Variants in EP300 observed in about 807,000 individuals in gnomAD.
EP300 encodes the protein EP300 lysine acetyltransferase, also known as histone acetyltransferase p300.
A neutral mutation model predicts 264.0 loss-of-function variants in EP300; 31 were observed. The ratio of observed to expected loss-of-function variants is 0.12; its 90% CI spans 0.09 to 0.16. The LOEUF is 0.16. EP300 is among the 10% of genes least tolerant of loss of function. The pLI is 1.00. For missense variants in EP300, 2,766 were observed against 3,052.9 expected (o/e 0.91, Z 2.21); for synonymous variants, 1,340 against 1,045.4 (o/e 1.28, Z -5.44).
chr22:41,160,739 T>C lies in EP300; in HGVS notation c.3671+17T>C, dbSNP rs1405542155. On this transcript the variant is annotated intron_variant, in intron 20 of 30. Transcript: ENST00000263253. ...GCCTCAAACGTAAGTAACTGCATTA[T>C]TTTGAAAAGTGCTAATTAGTTTGTT... 4 of 1,608,208 alleles carry C rather than the reference T, an allele frequency of 2.5e-6. No individual in the cohort carries two copies. Among genetic ancestry groups the C allele is most frequent in the African/African-American group, 2.7e-5 (2 of 74,828 alleles).
At chr22:41,141,256 A>G (rs2145726639) in intron 10 of EP300, 34 bp downstream of exon 10, 1 of 1,594,558 alleles carries the variant, frequency 6.3e-7, no homozygotes, top group Non-Finnish European at 8.6e-7. Context: ...TGTTTGAGAG[A>G]AATTGATAAT....
At chr22:41,152,183 A>T (rs2059049987) in intron 15 of EP300, 23 bp from the exon 16 acceptor site, 1 of 1,613,400 alleles carries the variant, frequency 6.2e-7, no homozygotes, top group East Asian at 2.2e-5. Flanking sequence ...TGGAATACTA[A>T]AAATTCTTAC....
intron 1 of EP300, among the ~76,000 whole-genome samples, chr22:41,112,795 A>T (rs1265319737): frequency 6.6e-6 from 1 of 151,618 alleles, no homozygotes; most frequent in Admixed American, 6.6e-5. Context: ...AACAATTCGG[A>T]TATGGTGCTT....
intron 4 of EP300, among the ~76,000 whole-genome samples, chr22:41,129,060 G>C (rs1471058247): frequency 6.6e-6 from 1 of 152,012 alleles, no homozygotes; most frequent in Non-Finnish European, 1.5e-5. Flanking sequence ...GCCCAGGCTG[G>C]AGTGCAGTGG....
chr22:41,100,317 A>G (rs1435441453), intron 1 of EP300, among the ~76,000 whole-genome samples: 1 of 152,172 alleles, frequency 6.6e-6, no homozygotes, highest in Non-Finnish European at 1.5e-5. Flanking sequence ...ATGGCAGAAA[A>G]TGAAACGGGG....
chr22:41,150,791 T>G (rs1051520107), intron 14 of EP300, among the ~76,000 whole-genome samples: 5 of 151,344 alleles, frequency 3.3e-5, no homozygotes, highest in African/African-American at 1.2e-4. Flanking sequence ...CTCGGGAGAC[T>G]GAGGCAGGAG....
intron 29 of EP300, 46 bp downstream of exon 29, chr22:41,173,830 G>C: frequency 6.2e-7 from 1 of 1,611,122 alleles, no homozygotes; most frequent in Non-Finnish European, 8.5e-7. Flanking sequence ...CAAGATTTCT[G>C]GCCAGGCATG....
At chr22:41,146,848 A>G in intron 11 of EP300, 32 bp downstream of exon 11, 2 of 1,579,628 alleles carry the variant, frequency 1.3e-6, no homozygotes, top group Non-Finnish European at 1.7e-6. Flanking sequence ...TTTATTTTAA[A>G]AGAATCCCCG....
Position 41,092,788 on chromosome 22 carries a change from C to A in EP300, c.-217C>A. 1.6e-6 allele frequency: 1 copy of A among 637,394 alleles called. No individual in the cohort carries two copies. The highest frequency in any genetic ancestry group is 2.8e-6 in the Non-Finnish European group (1 of 352,206). The allele number at this position is 637,394 out of a possible 1,614,324, so 39.5% of individuals were successfully genotyped here. ...GCCCTCCTCCGGGCTTGGGCCCAGG[C>A]CCGGCCCCTCGCACTTGCCCTTACC... is the stretch of plus-strand genomic sequence containing the variant. On this transcript the variant is annotated 5_prime_UTR_variant, in exon 1 of 31. Transcript: ENST00000263253.
intron 29 of EP300, chr22:41,174,717 C>T (rs965787767): frequency 6.6e-6 from 1 of 151,832 alleles, no homozygotes; most frequent in Admixed American, 6.6e-5. Context: ...TATCTCGGTT[C>T]TCAGACATAT....
chr22:41,155,430 C>T lies in EP300; in HGVS notation c.3261+317C>T, dbSNP rs5758248. On this transcript the variant is annotated intron_variant, in intron 17 of 30. Transcript: ENST00000263253. Reference sequence around the variant, plus strand: ...GTATTTTTTAGTAGAGACGGGGTTTCGCCATGTTGCCCAGGCTGGTCTTGA... The same window carrying T: ...GTATTTTTTAGTAGAGACGGGGTTTTGCCATGTTGCCCAGGCTGGTCTTGA... Among the ~76,000 whole-genome samples the T allele has an allele frequency of 7.6e-3, 1,150 of 152,170 alleles. 112 individuals carry two copies. In the East Asian group the frequency reaches 0.2, roughly 26 times the overall value.
chr22:41,149,004 C>T (rs1326793578), intron 12 of EP300, 34 bp from the exon 13 acceptor site: 12 of 1,611,764 alleles, frequency 7.4e-6, no homozygotes, highest in Non-Finnish European at 1.0e-5. Flanking sequence ...TATAATGAAG[C>T]AGTTTGGTGA....
At chr22:41,160,851 AAT>A in intron 20 of EP300, 129 bp downstream of exon 20, 1 of 799,912 alleles carries the variant, frequency 1.3e-6, no homozygotes, top group Non-Finnish European at 2.1e-6. Context: ...TTGCTATTTA[AAT>A]GCATATTAAT....
At chr22:41,150,632 T>G (rs1411690441) in intron 14 of EP300, among the ~76,000 whole-genome samples, 1 of 152,148 alleles carries the variant, frequency 6.6e-6, no homozygotes. Context: ...TGTACACTTT[T>G]CATCCTAGCA....
At chr22:41,176,737 T>G in intron 30 of EP300, 36 bp from the exon 31 acceptor site, 1 of 1,613,622 alleles carries the variant, frequency 6.2e-7, no homozygotes, top group South Asian at 1.1e-5. Context: ...ACTTAAATCT[T>G]GGAGAGTTTA....
chr22:41,104,748 A>G (rs901214150), intron 1 of EP300, among the ~76,000 whole-genome samples: 17 of 152,136 alleles, frequency 1.1e-4, no homozygotes, highest in Non-Finnish European at 1.9e-4. Context: ...GGCTGGGCGC[A>G]GTGGCCTACA....
At chr22:41,173,156 TTTAAC>T (rs1362505172) in intron 28 of EP300, among the ~76,000 whole-genome samples, 4 of 152,226 alleles carry the variant, frequency 2.6e-5, no homozygotes, top group Non-Finnish European at 4.4e-5. Context: ...CTCCATTGAA[TTTAAC>T]TTAACAAAAG....
At chr22:41,155,458 G>T (rs868463601) in intron 17 of EP300, among the ~76,000 whole-genome samples, 1 of 152,028 alleles carries the variant, frequency 6.6e-6, no homozygotes, top group African/African-American at 2.4e-5. Context: ...GGTCTTGAAC[G>T]CCTGGACTCA....
intron 14 of EP300, 147 bp from the exon 15 acceptor site, chr22:41,151,686 G>A (rs1823648028): frequency 6.2e-6 from 5 of 800,404 alleles, no homozygotes; most frequent in Non-Finnish European, 8.4e-6. Flanking sequence ...GAGGTGAAAT[G>A]GGCAGAGCAA....
Sources: gnomAD v4.1 joint callset for allele counts (sites outside exome capture counted in the v4.1 genomes callset) on GRCh38, gnomAD v4.1.1 for gene constraint, MANE v1.5 for transcripts, NCBI Gene and HGNC (gene_info 2026-07-23, HGNC 2026-07-21) for gene names.